Variants in IQCJ observed in about 807,000 individuals in gnomAD.
The protein encoded by IQCJ is IQ motif containing J, also known as IQ domain-containing protein J.
IQCJ carries 9 observed loss-of-function variants against 11.0 expected under a neutral mutation model. The observed-to-expected ratio is 0.82, with a 90% CI of 0.49 to 1.43. The LOEUF (loss-of-function observed/expected upper bound fraction) is 1.43. Ranked by LOEUF, IQCJ falls within the 40% of genes most tolerant of loss-of-function variation. The pLI is 0.00. For missense variants in IQCJ, 146 were observed against 133.2 expected (o/e 1.10, Z -0.47); for synonymous variants, 55 against 51.3 (o/e 1.07, Z -0.31).
intron 1 of IQCJ, among the ~76,000 whole-genome samples, chr3:159,114,392 C>G (rs1472579): frequency 0.69 from 104,278 of 150,838 alleles, 36,136 homozygotes; most frequent in Admixed American, 0.73. Context: ...CTCACTGCAA[C>G]CTCTGTCTCC....
At chr3:159,197,391 C>T (rs1175467393) in intron 1 of IQCJ, among the ~76,000 whole-genome samples, 1 of 152,166 alleles carries the variant, frequency 6.6e-6, no homozygotes, top group Non-Finnish European at 1.5e-5. Flanking sequence ...TAAGCTATTG[C>T]TCTAGTTTTT....
intron 1 of IQCJ, among the ~76,000 whole-genome samples, chr3:159,213,088 A>G (rs1488965293): frequency 2.0e-5 from 3 of 152,182 alleles, no homozygotes; most frequent in African/African-American, 7.2e-5. Context: ...CAAGGCTTCT[A>G]TTGTACAGGG....
intron 1 of IQCJ, among the ~76,000 whole-genome samples, chr3:159,146,126 T>C (rs1045583501): frequency 4.6e-5 from 7 of 152,302 alleles, no homozygotes; most frequent in East Asian, 1.9e-4. Context: ...CCTTTACAGA[T>C]TGAAGATTAA....
At chr3:159,151,120 T>C (rs970327454) in intron 1 of IQCJ, among the ~76,000 whole-genome samples, 2 of 152,208 alleles carry the variant, frequency 1.3e-5, no homozygotes, top group African/African-American at 4.8e-5. Flanking sequence ...GGGTGGCAGA[T>C]GTTCCCAGAG....
At chr3:159,213,337 G>A (rs1273194353) in intron 1 of IQCJ, among the ~76,000 whole-genome samples, 1 of 152,160 alleles carries the variant, frequency 6.6e-6, no homozygotes, top group African/African-American at 2.4e-5. Context: ...ACACTGAAGT[G>A]GGTCAAACCA....
chr3:159,204,609 T>G lies in IQCJ; in HGVS notation c.10-41234T>G, dbSNP rs1484449814. 2.0e-5 allele frequency among the ~76,000 whole-genome samples: 3 copies of G among 152,214 alleles called. No homozygotes were observed. In the East Asian group the frequency reaches 5.8e-4, roughly 29 times the overall value. On this transcript the variant is annotated intron_variant, in intron 1 of 3. Transcript: ENST00000397832. ...CATCACTTCAGCTATATTGTATTGGTTAAAGCAGTCACAGAATTGGCCCAG... is the reference window on the plus strand; with the variant it reads ...CATCACTTCAGCTATATTGTATTGGGTAAAGCAGTCACAGAATTGGCCCAG...
At chr3:159,127,754 C>G (rs879864141) in intron 1 of IQCJ, among the ~76,000 whole-genome samples, 2 of 152,064 alleles carry the variant, frequency 1.3e-5, no homozygotes, top group African/African-American at 4.8e-5. Context: ...ATCAAAACTT[C>G]GAAGAAAGTC....
intron 1 of IQCJ, chr3:159,069,787 T>C (rs948314966): frequency 1.6e-5 from 8 of 506,934 alleles, no homozygotes; most frequent in African/African-American, 1.2e-4. Flanking sequence ...AAAATACATT[T>C]TTCACACCCA....
chr3:159,235,452 A>C (rs1463295469), intron 1 of IQCJ, among the ~76,000 whole-genome samples: 2 of 152,204 alleles, frequency 1.3e-5, no homozygotes, highest in African/African-American at 2.4e-5. Flanking sequence ...TATGGAAAGG[A>C]GAGGGGAATA....
intron 1 of IQCJ, among the ~76,000 whole-genome samples, chr3:159,189,489 C>G (rs77378252): frequency 6.6e-6 from 1 of 152,132 alleles, no homozygotes; most frequent in African/African-American, 2.4e-5. Context: ...TCATTTTACT[C>G]TGCACAAACT....
At chr3:159,138,088 A>C (rs7651063) in intron 1 of IQCJ, among the ~76,000 whole-genome samples, 175 of 152,330 alleles carry the variant, frequency 1.1e-3, no homozygotes, top group African/African-American at 4.1e-3. Context: ...GCTTCAGTTT[A>C]CACATAAAGG....
At chr3:159,212,624 C>T (rs79932647) in intron 1 of IQCJ, among the ~76,000 whole-genome samples, 531 of 152,284 alleles carry the variant, frequency 3.5e-3, no homozygotes, top group African/African-American at 0.012. Context: ...TCATATTAAA[C>T]TCCTTCCACT....
intron 1 of IQCJ, 41 bp from the exon 2 acceptor site, chr3:159,245,802 G>A (rs1727235483): frequency 2.0e-6 from 3 of 1,479,594 alleles, no homozygotes; most frequent in Non-Finnish European, 2.8e-6. Flanking sequence ...CTCGGAAGTA[G>A]CTGGTGACAA....
At chr3:159,260,062 A>G (rs1469238867) in intron 3 of IQCJ, among the ~76,000 whole-genome samples, 1 of 152,220 alleles carries the variant, frequency 6.6e-6, no homozygotes, top group Non-Finnish European at 1.5e-5. Context: ...TTAGAAAAGA[A>G]AAGGATATCC....
chr3:159,111,060 C>T (rs919581811), intron 1 of IQCJ, among the ~76,000 whole-genome samples: 1 of 152,214 alleles, frequency 6.6e-6, no homozygotes, highest in African/African-American at 2.4e-5. Flanking sequence ...CCCTGGGCCT[C>T]ACTTCTCTGG....
chr3:159,109,603 A>G (rs1163463158), intron 1 of IQCJ, among the ~76,000 whole-genome samples: 4 of 151,344 alleles, frequency 2.6e-5, no homozygotes, highest in Non-Finnish European at 5.9e-5. Flanking sequence ...CTAGCAAGAA[A>G]TAATCATCAT....
intron 1 of IQCJ, among the ~76,000 whole-genome samples, chr3:159,153,740 C>T (rs570494012): frequency 6.6e-6 from 1 of 152,182 alleles, no homozygotes; most frequent in Non-Finnish European, 1.5e-5. Flanking sequence ...CTCAAGTTTC[C>T]ATTTCCTTTG....
intron 1 of IQCJ, among the ~76,000 whole-genome samples, chr3:159,232,904 G>T (rs114867664): frequency 0.022 from 3,352 of 152,176 alleles, 115 homozygotes; most frequent in African/African-American, 0.077. Flanking sequence ...AATAGGTGGG[G>T]GTTGGCTGAG....
At chr3:159,263,961 G>A (rs1228097386), downstream of IQCJ, among the ~76,000 whole-genome samples, 2 of 152,162 alleles carry the variant, frequency 1.3e-5, no homozygotes, top group African/African-American at 2.4e-5. Flanking sequence ...AAAATGCCAG[G>A]GCTTCTCGTT....
Sources: allele counts gnomAD v4.1 joint callset (sites outside exome capture counted in the v4.1 genomes callset), GRCh38; gene constraint gnomAD v4.1.1; transcripts MANE v1.5; gene names NCBI Gene and HGNC (gene_info 2026-07-23, HGNC 2026-07-21).